The following PKD1L3 variants were observed in gnomAD, a reference collection of about 807,000 sequenced individuals.
PKD1L3 encodes the protein polycystin 1 like 3, transient receptor potential channel interacting.
In PKD1L3, 239 loss-of-function variants were observed where a neutral mutation model predicts 184.1. That is an observed-to-expected ratio of 1.30 (90% CI 1.17 to 1.45). The LOEUF (loss-of-function observed/expected upper bound fraction) is 1.45. PKD1L3 is among the 40% of genes most tolerant of loss of function. PKD1L3 has a pLI of 0.00. For synonymous variants in PKD1L3, 996 were observed against 778.8 expected, an observed-to-expected ratio of 1.28 and a Z score of -4.64; for missense variants, 2,660 against 2,067.2, an observed-to-expected ratio of 1.29 and a Z score of -5.56.
chr16:71,944,177 A>G lies in PKD1L3; in HGVS notation c.3719-7T>C. ...ACTGACGAAGAACATTTTGCTGTCA[A>G]AAATTCAAATATAGACCAAAGAAAT... On this transcript the variant is annotated splice_polypyrimidine_tract_variant and splice_region_variant and intron_variant, in intron 22 of 29. Transcript: ENST00000620267. 6.5e-7 allele frequency: 1 copy of G among 1,546,942 alleles called. No individual in the cohort carries two copies. The highest frequency in any genetic ancestry group is 2.4e-5 in the East Asian group (1 of 40,888).
chr16:71,945,303 T>C (rs866992805), intron 22 of PKD1L3, among the ~76,000 whole-genome samples: 47 of 51,172 alleles, frequency 9.2e-4, no homozygotes, highest in Middle Eastern at 0.018. Flanking sequence ...TATATATATA[T>C]ATACACACAC....
intron 3 of PKD1L3, among the ~76,000 whole-genome samples, chr16:71,992,934 C>T (rs936226851): frequency 1.6e-4 from 24 of 152,162 alleles, no homozygotes; most frequent in African/African-American, 5.8e-4. Context: ...AAAGACTTTG[C>T]AAGAACTTTA....
chr16:71,940,109 A>G (rs1408262360), intron 24 of PKD1L3, among the ~76,000 whole-genome samples: 4 of 123,250 alleles, frequency 3.2e-5, no homozygotes, highest in Non-Finnish European at 6.7e-5. Context: ...AATAGCATCA[A>G]CTGAAAGTCA....
At position 71,963,232 on chromosome 16, in the gene PKD1L3, A is replaced by C. The variant is rs541011969; in HGVS notation, c.2585T>G (p.Val862Gly). The change falls in exon 16 of 30, where the codon GTT becomes GGT. Residue 862 changes from valine (V) to glycine (G), a missense_variant. Physicochemically the swap from Val to Gly is moderately radical, Grantham distance 109. Coordinates refer to ENST00000620267, the MANE Select transcript of PKD1L3 (RefSeq NM_181536.2). The part of the protein sequence containing the change: ...DCELDRVFIP[V>G]SKRELFSFRH... ...AAAGGAAAAGAGCTCTCTCTTTGAA[A>C]CTGGGATGAAGACCCGGTCAAGCTC... 1.9e-5 allele frequency: 30 copies of C among 1,550,896 alleles called. No individual in the cohort carries two copies. Among genetic ancestry groups the C allele is most frequent in the Non-Finnish European group, 2.5e-5 (29 of 1,146,666 alleles).
At chr16:71,948,755 C>T (rs910381056) in intron 21 of PKD1L3, among the ~76,000 whole-genome samples, 3 of 127,714 alleles carry the variant, frequency 2.3e-5, no homozygotes, top group Non-Finnish European at 4.7e-5. Flanking sequence ...TTGGCCACTG[C>T]AATTACAGGT....
intron 26 of PKD1L3, 111 bp downstream of exon 26, chr16:71,935,247 A>G: frequency 1.7e-6 from 2 of 1,178,906 alleles, no homozygotes. Context: ...TTTTAACTCT[A>G]ATGTTATGCA....
chr16:71,998,513 T>A, intron 1 of PKD1L3, 119 bp from the exon 2 acceptor site: 1 of 1,286,190 alleles, frequency 7.8e-7, no homozygotes, highest in Non-Finnish European at 1.0e-6. Context: ...TGCAGTGGTG[T>A]GATCTTCACT....
At chr16:71,938,752 G>T (rs1400750274) in intron 24 of PKD1L3, among the ~76,000 whole-genome samples, 1 of 152,206 alleles carries the variant, frequency 6.6e-6, no homozygotes, top group African/African-American at 2.4e-5. Flanking sequence ...CAAACAATGG[G>T]ACGACCTGCC....
chr16:71,941,732 G>A (rs1401581629), intron 24 of PKD1L3, among the ~76,000 whole-genome samples: 1 of 151,608 alleles, frequency 6.6e-6, no homozygotes, highest in Non-Finnish European at 1.5e-5. Flanking sequence ...CTGCAGGCGC[G>A]AGCCACCATG....
At chr16:71,956,117 C>G (rs1034664431) in intron 16 of PKD1L3, among the ~76,000 whole-genome samples, 1 of 151,750 alleles carries the variant, frequency 6.6e-6, no homozygotes, top group African/African-American at 2.4e-5. Flanking sequence ...CTCAGCCTCC[C>G]AAAGCGCTGG....
chr16:71,974,220 C>T (rs369134047), intron 11 of PKD1L3, among the ~76,000 whole-genome samples: 238 of 152,252 alleles, frequency 1.6e-3, no homozygotes, highest in African/African-American at 5.3e-3. Flanking sequence ...GACCGGAGGT[C>T]GGGCCTGGCT....
At chr16:71,938,975 T>C (rs2038272374) in intron 24 of PKD1L3, among the ~76,000 whole-genome samples, 1 of 152,154 alleles carries the variant, frequency 6.6e-6, no homozygotes, top group Non-Finnish European at 1.5e-5. Context: ...CTGCAAGCAA[T>C]GAGAAGGACA....
chr16:71,985,798 C>T (rs1421635311), intron 5 of PKD1L3, among the ~76,000 whole-genome samples: 2 of 152,124 alleles, frequency 1.3e-5, no homozygotes, highest in African/African-American at 4.8e-5. Flanking sequence ...AACTCCTGGG[C>T]TCAAGTGATC....
intron 9 of PKD1L3, 131 bp downstream of exon 9, chr16:71,979,655 A>G (rs556743046): frequency 9.0e-7 from 1 of 1,112,370 alleles, no homozygotes. Context: ...AATAAAAATG[A>G]ATGCTACATA....
At chr16:71,930,242 A>T (rs1045630132) in intron 28 of PKD1L3, 59 bp from the exon 29 acceptor site, 10 of 1,465,482 alleles carry the variant, frequency 6.8e-6, no homozygotes, top group Admixed American at 5.1e-5. Context: ...CTTTACAAAC[A>T]TAAGCTATAT....
rs559303738 is a variant in PKD1L3, at chr16:71,959,045, C to G, written c.2612+4160G>C. 1.8e-4 allele frequency among the ~76,000 whole-genome samples: 26 copies of G among 142,760 alleles called. No homozygotes were observed. The South Asian group carries it at 1.8e-3, about 10-fold the overall frequency. 93.7% of individuals were successfully genotyped at this position (142,760 alleles called of 152,430 possible). On this transcript the variant is annotated intron_variant, in intron 16 of 29. Coordinates refer to ENST00000620267, the MANE Select transcript of PKD1L3 (RefSeq NM_181536.2). ...GTTATAGTAAGCTGAGATTGCACCA[C>G]TGCACTCCAGCCTGGATGACAGAGC... is the stretch of plus-strand genomic sequence containing the variant.
rs1209089315 is a variant in PKD1L3 at position 71,980,172 on chromosome 16, C to A, written c.1144-38G>T. 3.2e-6 allele frequency: 5 copies of A among 1,543,368 alleles called. No homozygotes were observed. The South Asian group carries it at 4.8e-5, about 15-fold the overall frequency. ...GAAAACAGTGTGTGACTTGTAAAAC[C>A]TCAGTGTCTTATGTTAGTAAAATAA... On this transcript the variant is annotated intron_variant, in intron 7 of 29. Transcript: ENST00000620267.
intron 12 of PKD1L3, 87 bp from the exon 13 acceptor site, chr16:71,970,192 T>G (rs2039659605): frequency 2.0e-6 from 2 of 1,025,226 alleles, no homozygotes; most frequent in East Asian, 5.2e-5. Flanking sequence ...AATTTAGAGA[T>G]GGAAAGAGGT....
chr16:71,940,966 G>C (rs986955326), intron 24 of PKD1L3, among the ~76,000 whole-genome samples: 3 of 152,014 alleles, frequency 2.0e-5, no homozygotes, highest in South Asian at 2.1e-4. Context: ...CTCCCAAGTA[G>C]CTGAGACAAC....
Sources: allele counts gnomAD v4.1 joint callset (sites outside exome capture counted in the v4.1 genomes callset), GRCh38; gene constraint gnomAD v4.1.1; transcripts MANE v1.5; gene names NCBI Gene and HGNC (gene_info 2026-07-23, HGNC 2026-07-21).